The following ARHGAP35 variants were observed in gnomAD, a reference collection of about 807,000 sequenced individuals.
ARHGAP35 encodes the protein rho GTPase-activating protein 35.
ARHGAP35 carries 15 observed loss-of-function variants against 111.1 expected under a neutral mutation model. The observed-to-expected ratio is 0.13, with a 90% CI of 0.09 to 0.21. The LOEUF (loss-of-function observed/expected upper bound fraction) is 0.21, where lower values mean the gene tolerates loss of function less well. Among genes scored for constraint, ARHGAP35 ranks in the 10% least tolerant of loss-of-function variants. ARHGAP35 has a pLI of 1.00. For missense variants in ARHGAP35, 1,262 were observed against 1,873.0 expected (o/e 0.67, Z 6.02); for synonymous variants, 643 against 710.3 (o/e 0.91, Z 1.51).
chr19:46,935,001 A>G (rs1460294602), intron 2 of ARHGAP35, among the ~76,000 whole-genome samples: 2 of 152,222 alleles, frequency 1.3e-5, no homozygotes, highest in African/African-American at 4.8e-5. Flanking sequence ...ACTTCATATA[A>G]GTAGAAGATG....
intron 1 of ARHGAP35, among the ~76,000 whole-genome samples, chr19:46,905,480 ACT>A (rs1305831752): frequency 1.4e-5 from 2 of 144,964 alleles, no homozygotes; most frequent in Non-Finnish European, 3.0e-5. Context: ...GGTTCAAGAG[ACT>A]CTCCTGCCTC....
At chr19:46,873,736 A>G (rs2055900735) in intron 1 of ARHGAP35, among the ~76,000 whole-genome samples, 1 of 151,156 alleles carries the variant, frequency 6.6e-6, no homozygotes, top group South Asian at 2.1e-4. Context: ...TGAGATTTAA[A>G]TTTATTTAAG....
At chr19:46,929,186 A>G (rs938486944) in intron 2 of ARHGAP35, among the ~76,000 whole-genome samples, 2 of 152,164 alleles carry the variant, frequency 1.3e-5, no homozygotes, top group African/African-American at 4.8e-5. Flanking sequence ...ATCTGCCTTC[A>G]GGTTTTCTTT....
intron 5 of ARHGAP35, among the ~76,000 whole-genome samples, chr19:46,991,082 G>T (rs539945005): frequency 1.0e-3 from 152 of 152,280 alleles, no homozygotes; most frequent in African/African-American, 3.5e-3. Context: ...GGAGTTAGTG[G>T]GTGGGGACAG....
chr19:46,942,368 T>C (rs1433351330), intron 3 of ARHGAP35, among the ~76,000 whole-genome samples: 1 of 152,172 alleles, frequency 6.6e-6, no homozygotes, highest in Non-Finnish European at 1.5e-5. Flanking sequence ...GTGCAGTGGC[T>C]CACACCTGTA....
intron 1 of ARHGAP35, among the ~76,000 whole-genome samples, chr19:46,873,911 G>C (rs150730498): frequency 0.011 from 1,703 of 152,044 alleles, 40 homozygotes; most frequent in African/African-American, 0.039. Context: ...ACCACCCTGG[G>C]CTAATTTTGT....
intron 2 of ARHGAP35, among the ~76,000 whole-genome samples, chr19:46,930,557 A>G (rs369574675): frequency 6.9e-6 from 1 of 144,750 alleles, no homozygotes; most frequent in East Asian, 2.0e-4. Context: ...CCAAGCATTT[A>G]AAAGGTTTAA....
chr19:46,999,473 C>A lies in ARHGAP35; in HGVS notation c.4142+64C>A. 1 of 1,105,986 alleles carries A rather than the reference C, an allele frequency of 9.0e-7. No individual in the cohort carries two copies. The highest frequency in any genetic ancestry group is 2.0e-5 in the Admixed American group (1 of 49,334). 68.5% of individuals were successfully genotyped at this position (1,105,986 alleles called of 1,614,324 possible). ...AAATTGACAGCCAGGGTCAGTGTGT[C>A]GCAGAACAAGGCTCTGTCCACAAGC... On this transcript the variant is annotated intron_variant, in intron 6 of 6. Coordinates refer to ENST00000672722, the MANE Select transcript of ARHGAP35 (RefSeq NM_004491.5). This position sits in a 1 kb window ranked among gnomAD's most constrained non-coding sequence, Gnocchi z 5.4.
intron 5 of ARHGAP35, chr19:46,997,755 C>G (rs1234443295): frequency 1.3e-5 from 2 of 152,178 alleles, no homozygotes; most frequent in Non-Finnish European, 1.5e-5. Context: ...CTCTGACCCT[C>G]TGGGTACGTC....
At position 46,933,348 on chromosome 19, in the gene ARHGAP35, C is replaced by T. The variant is rs572965216; in HGVS notation, c.3682-3916C>T. Among the ~76,000 whole-genome samples, 165 of 151,914 alleles carry T rather than the reference C, an allele frequency of 1.1e-3. 2 individuals are homozygous for T. Among genetic ancestry groups the T allele is most frequent in the Non-Finnish European group, 1.6e-3 (110 of 67,952 alleles). On this transcript the variant is annotated intron_variant, in intron 2 of 6. Coordinates refer to ENST00000672722, the MANE Select transcript of ARHGAP35 (RefSeq NM_004491.5). Reference sequence around the variant, plus strand: ...ATTTTTTGTAGAGATGGGGTTTCACCACGTTGGCCAGGCTGGTCTCAAACT... The same window carrying T: ...ATTTTTTGTAGAGATGGGGTTTCACTACGTTGGCCAGGCTGGTCTCAAACT...
chr19:46,919,373 A>G lies in ARHGAP35; in HGVS notation c.698A>G (p.Asn233Ser), dbSNP rs549628211. The G allele has an allele frequency of 2.4e-5, 39 of 1,614,028 alleles. No individual in the cohort carries two copies. The highest frequency in any genetic ancestry group is 1.6e-4 in the Middle Eastern group (1 of 6,062). The change falls in exon 2 of 7, where the codon AAT becomes AGT. Residue 233 changes from asparagine to serine, a missense_variant. This residue lies in a region of ARHGAP35 where 125 missense variants were observed against 301.7 expected (regional missense o/e 0.41). Coordinates refer to ENST00000672722, the MANE Select transcript of ARHGAP35 (RefSeq NM_004491.5). The surrounding 1 kb of genome is among the most constrained non-coding windows in gnomAD (Gnocchi z 6.2). ...LQVVETSARS[N>S]VNVDLAFSTL... Reference sequence around the variant, plus strand: ...GTTGTGGAGACCTCAGCGAGATCCAATGTAAACGTGGACTTGGCTTTCAGC... The same window carrying G: ...GTTGTGGAGACCTCAGCGAGATCCAGTGTAAACGTGGACTTGGCTTTCAGC...
chr19:46,969,610 T>G (rs2056533741), intron 3 of ARHGAP35, among the ~76,000 whole-genome samples: 1 of 152,178 alleles, frequency 6.6e-6, no homozygotes, highest in African/African-American at 2.4e-5. Context: ...ACACAGACCC[T>G]TAGAGAGCAC....
intron 1 of ARHGAP35, among the ~76,000 whole-genome samples, chr19:46,905,058 T>C (rs906539514): frequency 1.3e-5 from 2 of 152,180 alleles, no homozygotes; most frequent in African/African-American, 2.4e-5. Context: ...CTAATCTGGA[T>C]AGGCTTACCA....
chr19:46,935,469 G>T (rs1181215015), intron 2 of ARHGAP35, among the ~76,000 whole-genome samples: 1 of 152,074 alleles, frequency 6.6e-6, no homozygotes, highest in East Asian at 1.9e-4. Flanking sequence ...AGTTCTCAAC[G>T]AATCTCAGAC....
chr19:46,937,291 A>T lies in ARHGAP35; in HGVS notation c.3709A>T (p.Ile1237Phe). Residue 1237 changes from isoleucine (I) to phenylalanine (F), a missense_variant, in exon 3 of 7, where the codon ATC becomes TTC. By Grantham distance (21) the Ile-to-Phe change is conservative. Coordinates refer to ENST00000672722, the MANE Select transcript of ARHGAP35 (RefSeq NM_004491.5). ...KKPKPKPRPS[I>F]TKATWESNYF... ...ACCAAAGCCCAAACCCCGGCCATCC[A>T]TCACAAAGGCAACCTGGGAGAGTAA... 6.2e-7 allele frequency: 1 copy of T among 1,613,898 alleles called. No individual in the cohort carries two copies. The highest frequency in any genetic ancestry group is 8.5e-7 in the Non-Finnish European group (1 of 1,179,802).
At chr19:46,869,943 CTT>C (rs746775975) in intron 1 of ARHGAP35, among the ~76,000 whole-genome samples, 4,698 of 111,128 alleles carry the variant, frequency 0.042, 105 homozygotes, top group East Asian at 0.17. Flanking sequence ...TCACTGTGTA[CTT>C]TTTTTTTTTT....
At chr19:46,995,604 C>G (rs921530232) in intron 5 of ARHGAP35, among the ~76,000 whole-genome samples, 3 of 152,238 alleles carry the variant, frequency 2.0e-5, no homozygotes, top group Non-Finnish European at 2.9e-5. Context: ...TTCTCTTGGC[C>G]TCTGGAGTGG....
rs970354962 is a variant in ARHGAP35, at chr19:46,989,386, G to A, written c.3905-158G>A. The A allele has an allele frequency of 5.2e-5, 47 of 895,794 alleles. No individual in the cohort carries two copies. The highest frequency in any genetic ancestry group is 1.6e-4 in the Admixed American group (6 of 36,758). The allele number at this position is 895,794 out of a possible 1,614,324, so 55.5% of individuals were successfully genotyped here. A position where few individuals can be genotyped will look rare whatever the true frequency, so the allele number is the denominator to read the frequency against. On this transcript the variant is annotated intron_variant, in intron 4 of 6. Coordinates refer to ENST00000672722, the MANE Select transcript of ARHGAP35 (RefSeq NM_004491.5). This position sits in a 1 kb window ranked among gnomAD's most constrained non-coding sequence, Gnocchi z 5.3. ...AGCCCATGCCTGAACCTCAGAACTCGCGTTAGCGCTCACAAGTCCCACCCC... is the reference window on the plus strand; with the variant it reads ...AGCCCATGCCTGAACCTCAGAACTCACGTTAGCGCTCACAAGTCCCACCCC...
rs2056696238 is a variant in ARHGAP35 at position 46,994,488 on chromosome 19, G to A, written c.4036+4813G>A. 6.6e-6 allele frequency among the ~76,000 whole-genome samples: 1 copy of A among 152,208 alleles called. No homozygotes were observed. On this transcript the variant is annotated intron_variant, in intron 5 of 6. Coordinates refer to ENST00000672722, the MANE Select transcript of ARHGAP35 (RefSeq NM_004491.5). The surrounding 1 kb of genome is among the most constrained non-coding windows in gnomAD (Gnocchi z 5.4). ...AGGCCTCTGGCTTGGAGCCTCGGGA[G>A]TCTGTGCTTGACCACACCCAGGCCC...
Sources: gnomAD v4.1 joint callset for allele counts (sites outside exome capture counted in the v4.1 genomes callset) on GRCh38, gnomAD v4.1.1 for gene constraint, gnomAD v4.1.1 regional missense constraint, Gnocchi (gnomAD v3.1) non-coding constraint, MANE v1.5 for transcripts, NCBI Gene and HGNC (gene_info 2026-07-23, HGNC 2026-07-21) for gene names.